SHANK1: variants seen among roughly 807,000 people sequenced by gnomAD.
SHANK1 encodes the protein SH3 and multiple ankyrin repeat domains 1, also known as SH3 and multiple ankyrin repeat domains protein 1.
SHANK1 carries 35 observed loss-of-function variants against 165.6 expected under a neutral mutation model. The ratio of observed to expected loss-of-function variants is 0.21; its 90% CI spans 0.16 to 0.28. SHANK1 has a LOEUF of 0.28. Among genes scored for constraint, SHANK1 ranks in the 10% least tolerant of loss-of-function variants. The pLI, the probability that SHANK1 is intolerant of heterozygous loss-of-function variation, is 1.00. For synonymous variants in SHANK1, 1,428 were observed against 1,384.8 expected, an observed-to-expected ratio of 1.03 and a Z score of -0.69; for missense variants, 2,681 against 3,036.4, an observed-to-expected ratio of 0.88 and a Z score of 2.75.
rs1985549859 is a variant in SHANK1, at chr19:50,666,972, G to A, written c.4988C>T (p.Pro1663Leu). ...PAAPAPAAPQ[P>L]GPDPPPGTDS... The stretch of plus-strand genomic sequence containing the variant: ...CGTGCCAGGCGGAGGGTCCGGGCCA[G>A]GCTGTGGGGCAGCGGGAGCCGGTGC... The change falls in exon 23 of 24, where the codon CCT becomes CTT. Residue 1663 changes from proline (P) to leucine (L), a missense_variant. Physicochemically the swap from Pro to Leu is moderately conservative, Grantham distance 98 (BLOSUM62 -3). This residue lies in a region of SHANK1 where 1,713 missense variants were observed against 1,630.2 expected (regional missense o/e 1.05). Transcript: ENST00000293441. 11 of 1,585,520 alleles carry A rather than the reference G, an allele frequency of 6.9e-6. No homozygotes were observed. Among genetic ancestry groups the A allele is most frequent in the Non-Finnish European group, 8.6e-6 (10 of 1,164,988 alleles).
At chr19:50,708,540 C>T (rs1325799247) in intron 8 of SHANK1, among the ~76,000 whole-genome samples, 3 of 137,926 alleles carry the variant, frequency 2.2e-5, no homozygotes, top group Non-Finnish European at 4.7e-5. Flanking sequence ...TCTGATTCAT[C>T]TCACATCCCC....
chr19:50,696,768 C>G (rs1348982243), intron 15 of SHANK1, among the ~76,000 whole-genome samples: 1 of 152,120 alleles, frequency 6.6e-6, no homozygotes, highest in Non-Finnish European at 1.5e-5. Context: ...ACCCACCTGT[C>G]CATGTGTGTG....
intron 21 of SHANK1, among the ~76,000 whole-genome samples, chr19:50,673,290 G>A (rs374243835): frequency 4.6e-5 from 7 of 152,028 alleles, no homozygotes; most frequent in African/African-American, 1.4e-4. Flanking sequence ...TCCGGCTCCC[G>A]TTCTAGGGAA....
chr19:50,681,242 G>A (rs1331894863), intron 21 of SHANK1, among the ~76,000 whole-genome samples: 2 of 152,058 alleles, frequency 1.3e-5, no homozygotes, highest in Non-Finnish European at 2.9e-5. Context: ...CAGAGAAGGC[G>A]GCAGAGAGAG....
At chr19:50,698,730 T>C (rs1986817200) in intron 12 of SHANK1, among the ~76,000 whole-genome samples, 1 of 152,224 alleles carries the variant, frequency 6.6e-6, no homozygotes, top group Admixed American at 6.5e-5. Flanking sequence ...TGCTGAAGGT[T>C]ACAAGGCTAG....
In SHANK1 at chr19:50,702,664, C is replaced by A. The variant is rs112798540; in HGVS notation, c.1554-4G>T. 6.4e-7 allele frequency: 1 copy of A among 1,557,548 alleles called. No individual in the cohort carries two copies. Among genetic ancestry groups the A allele is most frequent in the East Asian group, 2.4e-5 (1 of 42,310 alleles). On this transcript the variant is annotated splice_polypyrimidine_tract_variant and splice_region_variant and intron_variant, in intron 11 of 23. Transcript: ENST00000293441. The surrounding 1 kb of genome is among the most constrained non-coding windows in gnomAD (Gnocchi z 5.3). ...TTCCCGGGGTGTCCCGCTGGAGCTGCGTACACAGAGGGCATGAGAGGAGGG... is the reference window on the plus strand; with the variant it reads ...TTCCCGGGGTGTCCCGCTGGAGCTGAGTACACAGAGGGCATGAGAGGAGGG...
intron 8 of SHANK1, among the ~76,000 whole-genome samples, chr19:50,705,914 T>C (rs1387188010): frequency 6.6e-6 from 1 of 152,112 alleles, no homozygotes; most frequent in Admixed American, 6.5e-5. Flanking sequence ...CCCAGCACTT[T>C]GGGAAGCCGA....
chr19:50,667,310 G>C lies in SHANK1; in HGVS notation c.4650C>G (p.Pro1550=), dbSNP rs145013267. The change falls in exon 23 of 24, where the codon CCC becomes CCG. Residue 1550 remains proline (P), a synonymous_variant. Coordinates refer to ENST00000293441, the MANE Select transcript of SHANK1 (RefSeq NM_016148.5). The surrounding 1 kb of genome is among the most constrained non-coding windows in gnomAD (Gnocchi z 5.7). ...NGLPLLVLPP[P]APSVDVEDGE... ...CATCTTCCACATCCACCGAGGGGGCGGGAGGCGGCAGGACCAGCAGGGGCA... is the reference window on the plus strand; with the variant it reads ...CATCTTCCACATCCACCGAGGGGGCCGGAGGCGGCAGGACCAGCAGGGGCA... The C allele has an allele frequency of 1.3e-6, 2 of 1,590,736 alleles. No individual in the cohort carries two copies. The highest frequency in any genetic ancestry group is 1.7e-6 in the Non-Finnish European group (2 of 1,175,046).
intron 23 of SHANK1, among the ~76,000 whole-genome samples, chr19:50,665,072 G>A (rs1274065105): frequency 6.6e-6 from 1 of 152,128 alleles, no homozygotes; most frequent in Non-Finnish European, 1.5e-5. Flanking sequence ...ATAACTTTTT[G>A]TTCATCATGG....
In SHANK1 at chr19:50,676,661, GTCA is replaced by G. The variant is rs573507133; in HGVS notation, c.2578-4550_2578-4548del. 1.9e-3 allele frequency among the ~76,000 whole-genome samples: 295 copies of G among 152,290 alleles called. 1 individual carries two copies. The highest frequency in any genetic ancestry group is 0.014 in the Middle Eastern group (4 of 294). ...CTCCTTTAACTGATGACAGTTTGGA[GTCA>G]TCATCATTATTTGCTTGCTTGTTTA... is the stretch of plus-strand genomic sequence containing the variant. On this transcript the variant is annotated intron_variant, in intron 21 of 23. Transcript: ENST00000293441.
Position 50,661,984 on chromosome 19 carries a change from T to C in SHANK1, c.6467A>G (p.Lys2156Arg). The change falls in exon 24 of 24, where the codon AAA (lysine) becomes AGA (arginine). Residue 2156 changes from lysine (K) to arginine (R), a missense_variant. Physicochemically the swap from Lys to Arg is conservative, Grantham distance 26. Around this residue, in one of 10 missense-constraint regions of SHANK1, gnomAD observed 49 missense variants for 94.2 expected, o/e 0.52. Transcript: ENST00000293441. Reference sequence around the variant, plus strand: ...CAGCCATCACCTCTCCAGGAAGAATTTGAGAGCCCGGTCGATGTTCATGCG... The same window carrying C: ...CAGCCATCACCTCTCCAGGAAGAATCTGAGAGCCCGGTCGATGTTCATGCG... ...GHRMNIDRAL[K>R]FFLER is the part of the protein sequence containing the mutation. The C allele has an allele frequency of 1.9e-6, 3 of 1,614,028 alleles. No homozygotes were observed. Among genetic ancestry groups the C allele is most frequent in the Non-Finnish European group, 2.5e-6 (3 of 1,180,016 alleles).
chr19:50,680,105 AAGAC>A (rs1424488368), intron 21 of SHANK1, among the ~76,000 whole-genome samples: 2 of 151,928 alleles, frequency 1.3e-5, no homozygotes, highest in Non-Finnish European at 2.9e-5. Flanking sequence ...CAAAGAGACA[AAGAC>A]AGATGGGGGA....
chr19:50,688,451 T>C lies in SHANK1; in HGVS notation c.2172+393A>G, dbSNP rs886330434. ...CTCCCACCTCAGCCTCCAGAATAGC[T>C]GGGACCTCAGGCACACAGCACCGGC... On this transcript the variant is annotated intron_variant, in intron 17 of 23. Transcript: ENST00000293441. The surrounding 1 kb of genome is among the most constrained non-coding windows in gnomAD (Gnocchi z 6.7). Among the ~76,000 whole-genome samples the C allele has an allele frequency of 1.3e-4, 20 of 152,236 alleles. No individual in the cohort carries two copies. Among genetic ancestry groups the C allele is most frequent in the African/African-American group, 4.8e-4 (20 of 41,540 alleles).
At chr19:50,715,873 C>T in intron 3 of SHANK1, 143 bp from the exon 4 acceptor site, 1 of 800,576 alleles carries the variant, frequency 1.2e-6, no homozygotes, top group Non-Finnish European at 2.2e-6. Context: ...GCCCTGGAAC[C>T]TTGGTCTAGG....
At chr19:50,712,767 G>A (rs1208800446) in intron 6 of SHANK1, among the ~76,000 whole-genome samples, 1 of 152,248 alleles carries the variant, frequency 6.6e-6, no homozygotes, top group East Asian at 1.9e-4. Context: ...CCCATCATGG[G>A]GATGGTCTGC....
intron 8 of SHANK1, among the ~76,000 whole-genome samples, chr19:50,709,331 C>CA: frequency 6.6e-6 from 1 of 151,940 alleles, no homozygotes; most frequent in Non-Finnish European, 1.5e-5. Context: ...TTAGTAGAGA[C>CA]GGGATTTCAG....
Position 50,662,966 on chromosome 19 carries a change from C to T in SHANK1, c.5769-284G>A. 2.1e-6 allele frequency: 1 copy of T among 482,468 alleles called. No homozygotes were observed. The highest frequency in any genetic ancestry group is 3.8e-6 in the Non-Finnish European group (1 of 266,658). 29.9% of individuals were successfully genotyped at this position (482,468 alleles called of 1,614,324 possible). The stretch of plus-strand genomic sequence containing the variant: ...TAAGTGATAATAATAATAATCGTCA[C>T]CGCTTACTGATGCTCACGTGTGCCA... On this transcript the variant is annotated intron_variant, in intron 23 of 23. Transcript: ENST00000293441. This position sits in a 1 kb window ranked among gnomAD's most constrained non-coding sequence, Gnocchi z 7.7.
At chr19:50,691,472 C>A (rs893181021) in intron 15 of SHANK1, among the ~76,000 whole-genome samples, 2 of 152,080 alleles carry the variant, frequency 1.3e-5, no homozygotes, top group Non-Finnish European at 2.9e-5. Flanking sequence ...TCTCTCTTGC[C>A]CCCTCATCAG....
Position 50,717,123 on chromosome 19 carries a change from C to T in SHANK1, c.-43-161G>A, listed in dbSNP as rs1382935807. Among the ~76,000 whole-genome samples, 7 of 152,152 alleles carry T rather than the reference C, an allele frequency of 4.6e-5. No homozygotes were observed. Among genetic ancestry groups the T allele is most frequent in the East Asian group, 1.9e-4 (1 of 5,180 alleles). ...CCTCGGCCTGCACGGCCTCCCCTGC[C>T]GCCTCCTCCCACGCTGGCACGCACA... On this transcript the variant is annotated intron_variant, in intron 1 of 23. Coordinates refer to ENST00000293441, the MANE Select transcript of SHANK1 (RefSeq NM_016148.5). This position sits in a 1 kb window ranked among gnomAD's most constrained non-coding sequence, Gnocchi z 5.5.
Sources: gnomAD v4.1 joint callset for allele counts (sites outside exome capture counted in the v4.1 genomes callset) on GRCh38, gnomAD v4.1.1 for gene constraint, gnomAD v4.1.1 regional missense constraint, Gnocchi (gnomAD v3.1) non-coding constraint, MANE v1.5 for transcripts, NCBI Gene and HGNC (gene_info 2026-07-23, HGNC 2026-07-21) for gene names.